Variants in DHX35 observed in about 807,000 individuals in gnomAD.
The protein encoded by DHX35 is probable ATP-dependent RNA helicase DHX35.
A neutral mutation model predicts 99.6 loss-of-function variants in DHX35; 84 were observed. The ratio of observed to expected loss-of-function variants is 0.84; its 90% CI spans 0.71 to 1.01. The LOEUF (loss-of-function observed/expected upper bound fraction) is 1.01, where lower values mean the gene tolerates loss of function less well. Among genes scored for constraint, DHX35 ranks in the 50% least tolerant of loss-of-function variants. The pLI is 0.00. For missense variants in DHX35, 852 were observed against 888.5 expected, an observed-to-expected ratio of 0.96 and a Z score of 0.52; for synonymous variants, 331 against 316.2, an observed-to-expected ratio of 1.05 and a Z score of -0.50.
At chr20:38,985,991 C>A (rs2086243400) in intron 4 of DHX35, among the ~76,000 whole-genome samples, 2 of 152,160 alleles carry the variant, frequency 1.3e-5, no homozygotes, top group African/African-American at 4.8e-5. Context: ...CTCATGTGGT[C>A]TGGGTTTGAC....
chr20:38,972,673 GTCTT>G, intron 3 of DHX35, 22 bp downstream of exon 3: 2 of 1,534,296 alleles, frequency 1.3e-6, no homozygotes, highest in Non-Finnish European at 1.8e-6. Context: ...TTTAATAAGT[GTCTT>G]TACACTTCGA....
In DHX35 at chr20:38,984,514, C is replaced by T. The variant is rs1245665773; in HGVS notation, c.345+738C>T. Among the ~76,000 whole-genome samples, 7 of 152,024 alleles carry T rather than the reference C, an allele frequency of 4.6e-5. No homozygotes were observed. The South Asian group carries it at 1.5e-3, about 32-fold the overall frequency. ...GGAAACTTTAGTGAAATAGGAGTAG[C>T]GACTGTACTTTGGATAAATGTTCAC... On this transcript the variant is annotated intron_variant, in intron 4 of 21. Transcript: ENST00000252011.
intron 1 of DHX35, among the ~76,000 whole-genome samples, chr20:38,966,289 G>T (rs1195650235): frequency 2.6e-5 from 4 of 152,246 alleles, no homozygotes; most frequent in Non-Finnish European, 5.9e-5. Flanking sequence ...TTTATAGAGG[G>T]AAAGCAGCCC....
intron 2 of DHX35, 70 bp from the exon 3 acceptor site, chr20:38,972,489 T>C (rs2086017571): frequency 2.0e-6 from 2 of 982,444 alleles, no homozygotes; most frequent in Non-Finnish European, 3.2e-6. Context: ...TTTCACAATG[T>C]TTAAATATCG....
chr20:39,025,205 T>G lies in DHX35; in HGVS notation c.1672-25T>G, dbSNP rs147843416. On this transcript the variant is annotated intron_variant, in intron 17 of 21. Transcript: ENST00000252011. Reference sequence around the variant, plus strand: ...GTCGAGAACATATCTGTTTTCTAACTCCCTCTCTCTGGGTTGTTCTGTAGC... The same window carrying G: ...GTCGAGAACATATCTGTTTTCTAACGCCCTCTCTCTGGGTTGTTCTGTAGC... The G allele has an allele frequency of 7.8e-5, 124 of 1,594,610 alleles. No homozygotes were observed. The African/African-American group carries it at 1.5e-3, about 19-fold the overall frequency.
intron 16 of DHX35, 42 bp downstream of exon 16, chr20:39,021,977 T>C (rs769912602): frequency 3.9e-5 from 63 of 1,599,534 alleles, no homozygotes; most frequent in Admixed American, 1.2e-4. Flanking sequence ...CCAGTCTCTT[T>C]TGCTTTGAGC....
chr20:39,004,820 T>C (rs938753601), intron 11 of DHX35, among the ~76,000 whole-genome samples: 5 of 152,146 alleles, frequency 3.3e-5, no homozygotes, highest in Non-Finnish European at 5.9e-5. Flanking sequence ...TGGCAGAGAA[T>C]AGAGCAGGTG....
intron 2 of DHX35, among the ~76,000 whole-genome samples, chr20:38,971,026 C>T (rs576032978): frequency 1.3e-5 from 2 of 152,216 alleles, no homozygotes; most frequent in African/African-American, 4.8e-5. Context: ...TCCTTTTTCC[C>T]TTTCAAACAA....
At chr20:39,034,612 C>CAG (rs61297643) in intron 21 of DHX35, among the ~76,000 whole-genome samples, 53,466 of 145,952 alleles carry the variant, frequency 0.37, 10,217 homozygotes, top group Middle Eastern at 0.5. Context: ...TTTTTTGAGA[C>CAG]AGTCTCACTC....
chr20:39,001,131 A>C (rs1194562054), intron 8 of DHX35, among the ~76,000 whole-genome samples: 1 of 152,204 alleles, frequency 6.6e-6, no homozygotes, highest in African/African-American at 2.4e-5. Flanking sequence ...AGGGTACTGC[A>C]CGAGTGTTGG....
At chr20:38,976,281 A>G (rs1263242888) in intron 3 of DHX35, among the ~76,000 whole-genome samples, 1 of 151,942 alleles carries the variant, frequency 6.6e-6, no homozygotes. Context: ...TGCAGTTATA[A>G]TCAGTATTAT....
intron 2 of DHX35, among the ~76,000 whole-genome samples, chr20:38,970,167 C>T (rs2085972754): frequency 6.6e-6 from 1 of 152,214 alleles, no homozygotes; most frequent in Admixed American, 6.5e-5. Context: ...AAGCAGTTCT[C>T]CTGCCTCGGC....
chr20:39,038,291 CG>C (rs2087188366), intron 21 of DHX35, among the ~76,000 whole-genome samples: 2 of 152,218 alleles, frequency 1.3e-5, no homozygotes, highest in African/African-American at 4.8e-5. Context: ...GCTTGGGCCT[CG>C]GGTTGCTGGC....
chr20:39,001,827 T>C lies in DHX35; in HGVS notation c.740T>C (p.Ile247Thr). 1 of 1,611,682 alleles carries C rather than the reference T, an allele frequency of 6.2e-7. No individual in the cohort carries two copies. Among genetic ancestry groups the C allele is most frequent in the Non-Finnish European group, 8.5e-7 (1 of 1,178,100 alleles). ...TVEGRTFPVD[I>T]FYLQSPVPDY... The stretch of plus-strand genomic sequence containing the variant: ...GAAGGGAGAACATTTCCGGTGGATA[T>C]CTTTTATCTACAAAGGTTTGATGAT... Residue 247 changes from isoleucine to threonine, a missense_variant, in exon 9 of 22, where the codon ATC (isoleucine) becomes ACC (threonine). Physicochemically the swap from Ile to Thr is moderately conservative, Grantham distance 89. Coordinates refer to ENST00000252011, the MANE Select transcript of DHX35 (RefSeq NM_021931.4).
chr20:39,014,666 T>G (rs1331371101), intron 13 of DHX35, among the ~76,000 whole-genome samples: 1 of 152,098 alleles, frequency 6.6e-6, no homozygotes, highest in Non-Finnish European at 1.5e-5. Flanking sequence ...GGGAAATGTT[T>G]CATCAAGCTG....
chr20:39,009,627 T>G (rs1297844223), intron 12 of DHX35, among the ~76,000 whole-genome samples: 1 of 152,104 alleles, frequency 6.6e-6, no homozygotes, highest in South Asian at 2.1e-4. Context: ...CTGCCTAGCT[T>G]TTATAAAAAG....
intron 4 of DHX35, among the ~76,000 whole-genome samples, chr20:38,984,185 C>T (rs559981321): frequency 6.6e-5 from 10 of 152,328 alleles, no homozygotes; most frequent in South Asian, 2.1e-4. Flanking sequence ...GCTGGGATTA[C>T]AGGCATGAGC....
chr20:39,033,294 T>C (rs2087089728), intron 20 of DHX35, among the ~76,000 whole-genome samples: 1 of 152,162 alleles, frequency 6.6e-6, no homozygotes, highest in Non-Finnish European at 1.5e-5. Context: ...AGATCCTTTT[T>C]TTGCTGACTT....
intron 3 of DHX35, among the ~76,000 whole-genome samples, chr20:38,975,599 A>G (rs2145843765): frequency 6.6e-6 from 1 of 152,362 alleles, no homozygotes; most frequent in Non-Finnish European, 1.5e-5. Flanking sequence ...TTTGGGAATT[A>G]GTCTGTGACG....
Sources: gnomAD v4.1 joint callset for allele counts (sites outside exome capture counted in the v4.1 genomes callset) on GRCh38, gnomAD v4.1.1 for gene constraint, MANE v1.5 for transcripts, NCBI Gene and HGNC (gene_info 2026-07-23, HGNC 2026-07-21) for gene names.